Variants in QRICH1 observed in about 807,000 individuals in gnomAD.
QRICH1 encodes the protein transcriptional regulator QRICH1.
QRICH1 carries 16 observed loss-of-function variants against 87.1 expected under a neutral mutation model. The observed-to-expected ratio is 0.18, with a 90% confidence interval of 0.12 to 0.28. The LOEUF is 0.28. QRICH1 is among the 10% of genes least tolerant of loss of function. The pLI is 1.00. For missense variants in QRICH1, 647 were observed against 951.7 expected (o/e 0.68, Z 4.21); for synonymous variants, 367 against 368.4 (o/e 1.00, Z 0.05).
chr3:49,085,636 T>C (rs2042154431), intron 1 of QRICH1, among the ~76,000 whole-genome samples: 3 of 151,702 alleles, frequency 2.0e-5, no homozygotes, highest in Admixed American at 1.3e-4. Context: ...CACGTGCCTG[T>C]AATCCCAGCT....
chr3:49,077,872 T>C (rs1470169233), intron 1 of QRICH1, among the ~76,000 whole-genome samples: 1 of 152,172 alleles, frequency 6.6e-6, no homozygotes. Flanking sequence ...GCTTTAAATA[T>C]CCAGGTCACT....
chr3:49,037,939 G>T (rs138905211), intron 6 of QRICH1, among the ~76,000 whole-genome samples: 3 of 151,744 alleles, frequency 2.0e-5, no homozygotes, highest in Non-Finnish European at 2.9e-5. Flanking sequence ...TCAAGCCTCC[G>T]TCTCAAGAAA....
chr3:49,076,517 G>A lies in QRICH1; in HGVS notation c.309+192C>T, dbSNP rs532264324. On this transcript the variant is annotated intron_variant, in intron 2 of 9. Transcript: ENST00000395443. ...TTCAAAGTCAGTCCTTGACACTGGG[G>A]TTTGTTTAAAAAAAAAAAAAAGCTT... Among the ~76,000 whole-genome samples, 192 of 73,926 alleles carry A rather than the reference G, an allele frequency of 2.6e-3. 4 individuals are homozygous for A. The South Asian group carries it at 0.12, about 48-fold the overall frequency. 48.5% of individuals were successfully genotyped at this position (73,926 alleles called of 152,430 possible). A position where few individuals can be genotyped will look rare whatever the true frequency, so the allele number is the denominator to read the frequency against.
intron 2 of QRICH1, among the ~76,000 whole-genome samples, chr3:49,072,419 G>A (rs1164490829): frequency 2.0e-5 from 3 of 151,838 alleles, no homozygotes; most frequent in Non-Finnish European, 2.9e-5. Flanking sequence ...CCATGTACTC[G>A]GGAGGCTGAG....
chr3:49,075,026 G>A (rs542512398), intron 2 of QRICH1, among the ~76,000 whole-genome samples: 2 of 151,390 alleles, frequency 1.3e-5, no homozygotes, highest in East Asian at 2.0e-4. Flanking sequence ...TACAGTACTC[G>A]AAAATATTTT....
chr3:49,036,861 G>C (rs979330439), intron 6 of QRICH1, among the ~76,000 whole-genome samples: 1 of 151,754 alleles, frequency 6.6e-6, no homozygotes, highest in Non-Finnish European at 1.5e-5. Context: ...TCAGGAGTTC[G>C]AAACCAGCCT....
chr3:49,067,938 G>C (rs1238518933), intron 2 of QRICH1, among the ~76,000 whole-genome samples: 1 of 149,908 alleles, frequency 6.7e-6, no homozygotes. Flanking sequence ...GCGATAGAGC[G>C]AGACTCCGTC....
chr3:49,068,466 T>C (rs79940553), intron 2 of QRICH1, among the ~76,000 whole-genome samples: 1 of 139,476 alleles, frequency 7.2e-6, no homozygotes, highest in Admixed American at 7.3e-5. Context: ...TCAAAAAAAT[T>C]AAAAAAAAAA....
At chr3:49,094,334 C>T (rs1443045309), upstream of QRICH1, 1 of 308,066 alleles carries the variant, frequency 3.2e-6, no homozygotes, top group Admixed American at 5.1e-5. Context: ...TCTTTGGACC[C>T]ACCTTCCGTC....
In QRICH1 at chr3:49,047,151, C is replaced by G. The variant is rs2093343352; in HGVS notation, c.1434G>C (p.Gly478=). The change falls in exon 4 of 10, where the codon GGG becomes GGC. Residue 478 remains glycine, a synonymous_variant. Coordinates refer to ENST00000395443, the MANE Select transcript of QRICH1 (RefSeq NM_198880.3). ...GGGCCCAGTTTTTCCATACTTCAAG[C>G]CCTTCTTCTGGCTTCAAAGAATTTG... ...LLPNSLKPEE[G]LEVWKNWAQT... 1.9e-6 allele frequency: 3 copies of G among 1,614,072 alleles called. No individual in the cohort carries two copies. The African/African-American group carries it at 4.0e-5, about 22-fold the overall frequency.
chr3:49,048,581 GA>G (rs1410641363), intron 3 of QRICH1, among the ~76,000 whole-genome samples: 2 of 150,962 alleles, frequency 1.3e-5, no homozygotes, highest in African/African-American at 4.9e-5. Context: ...GAGGTCAAGA[GA>G]CTGAGACCAT....
intron 6 of QRICH1, among the ~76,000 whole-genome samples, chr3:49,042,555 G>C (rs1241752582): frequency 6.6e-6 from 1 of 151,976 alleles, no homozygotes; most frequent in African/African-American, 2.4e-5. Flanking sequence ...CTGGGGGAGG[G>C]AGGGATAAAC....
chr3:49,078,759 A>T, intron 1 of QRICH1, among the ~76,000 whole-genome samples: 2 of 119,166 alleles, frequency 1.7e-5, no homozygotes, highest in South Asian at 3.0e-4. Flanking sequence ...GTGCAGTGGC[A>T]CGATCTCGGC....
chr3:49,076,934 C>T lies in QRICH1; in HGVS notation c.84G>A (p.Lys28=). ...KARSVPQHRM[K]EFLDSLASKG... The stretch of plus-strand genomic sequence containing the variant: ...TAGAGGCCAGTGAGTCCAGAAATTC[C>T]TTCATCCTGTGTTGCGGGACAGACC... The change falls in exon 2 of 10, where the codon AAG becomes AAA. Residue 28 remains lysine, a synonymous_variant. Transcript: ENST00000395443. 6.2e-7 allele frequency: 1 copy of T among 1,612,122 alleles called. No homozygotes were observed. The highest frequency in any genetic ancestry group is 8.5e-7 in the Non-Finnish European group (1 of 1,178,798).
Position 49,055,810 on chromosome 3 carries a change from C to CTGGGATTA in QRICH1, c.1338+1044_1338+1051dup, listed in dbSNP as rs201054099. 2.0e-3 allele frequency among the ~76,000 whole-genome samples: 298 copies of CTGGGATTA among 151,766 alleles called. 2 individuals carry two copies. Among genetic ancestry groups the CTGGGATTA allele is most frequent in the Admixed American group, 0.011 (172 of 15,230 alleles). On this transcript the variant is annotated intron_variant, in intron 3 of 9. Coordinates refer to ENST00000395443, the MANE Select transcript of QRICH1 (RefSeq NM_198880.3). ...GCTTCAGCCTCCTGAGTAGGATTAC[C>CTGGGATTA]TGGGATTATAGGTGTGTGCCACCAC...
chr3:49,035,596 A>G (rs1012469726), intron 6 of QRICH1, among the ~76,000 whole-genome samples: 10 of 151,754 alleles, frequency 6.6e-5, no homozygotes, highest in African/African-American at 2.4e-4. Flanking sequence ...TGAACCCAGG[A>G]GTTCAAGACC....
intron 2 of QRICH1, among the ~76,000 whole-genome samples, chr3:49,067,857 A>G (rs2093477219): frequency 6.6e-6 from 1 of 151,972 alleles, no homozygotes; most frequent in Admixed American, 6.6e-5. Flanking sequence ...AGGCGGAGGC[A>G]GGAGAACCAC....
At chr3:49,091,198 G>A (rs1473026007) in intron 1 of QRICH1, among the ~76,000 whole-genome samples, 3 of 152,140 alleles carry the variant, frequency 2.0e-5, no homozygotes, top group Middle Eastern at 3.2e-3. Context: ...ACTCCAGCCC[G>A]GGCAACAGAG....
intron 1 of QRICH1, among the ~76,000 whole-genome samples, chr3:49,077,806 C>T (rs2041979729): frequency 6.6e-6 from 1 of 152,146 alleles, no homozygotes; most frequent in Admixed American, 6.6e-5. Flanking sequence ...ACATAGATAG[C>T]ACTACAGAAA....
Sources: allele counts gnomAD v4.1 joint callset (sites outside exome capture counted in the v4.1 genomes callset), GRCh38; gene constraint gnomAD v4.1.1; transcripts MANE v1.5; gene names NCBI Gene and HGNC (gene_info 2026-07-23, HGNC 2026-07-21).